Variants in E2F7 observed in about 807,000 individuals in gnomAD.
E2F7 encodes the protein E2F transcription factor 7, also known as transcription factor E2F7.
A neutral mutation model predicts 81.1 loss-of-function variants in E2F7; 35 were observed. The ratio of observed to expected loss-of-function variants is 0.43; its 90% CI spans 0.33 to 0.57. The LOEUF (loss-of-function observed/expected upper bound fraction) is 0.57, where lower values mean the gene tolerates loss of function less well. E2F7 is among the 20% of genes least tolerant of loss of function. The pLI, the probability that E2F7 is intolerant of heterozygous loss-of-function variation, is 0.04. For missense variants in E2F7, 961 were observed against 1,093.7 expected, an observed-to-expected ratio of 0.88 and a Z score of 1.71; for synonymous variants, 416 against 416.2, an observed-to-expected ratio of 1.00 and a Z score of 0.01.
At position 77,034,863 on chromosome 12, in the gene E2F7, A is replaced by G. The variant is rs1954835516; in HGVS notation, c.1124-821T>C. On this transcript the variant is annotated intron_variant, in intron 7 of 12. Transcript: ENST00000322886. ...ATGCGCTTTCACATTAATGCAACTT[A>G]AAAATGAAAAACAACAACAAAAAGT... Among the ~76,000 whole-genome samples the G allele has an allele frequency of 2.0e-5, 3 of 152,254 alleles. No individual in the cohort carries two copies. The South Asian group carries it at 6.2e-4, about 31-fold the overall frequency.
At chr12:77,047,116 C>T (rs898906753) in intron 4 of E2F7, among the ~76,000 whole-genome samples, 4 of 152,192 alleles carry the variant, frequency 2.6e-5, no homozygotes, top group Non-Finnish European at 5.9e-5. Flanking sequence ...TCACTACTCA[C>T]TTTCCCAACA....
Position 77,046,222 on chromosome 12 carries a change from C to T in E2F7, c.645G>A (p.Leu215=). 1 of 1,614,186 alleles carries T rather than the reference C, an allele frequency of 6.2e-7. No homozygotes were observed. Among genetic ancestry groups the T allele is most frequent in the Non-Finnish European group, 8.5e-7 (1 of 1,180,034 alleles). The change falls in exon 5 of 13, where the codon CTG becomes CTA. Residue 215 remains leucine (L), a synonymous_variant. Coordinates refer to ENST00000322886, the MANE Select transcript of E2F7 (RefSeq NM_203394.3). ...NQYGWHGRHS[L]PKTLRNLQRL... Reference sequence around the variant, plus strand: ...TCTGGAGGTTCCTCAGGGTTTTTGGCAGGCTGTGCCGTCCATGCCAGCCAT... The same window carrying T: ...TCTGGAGGTTCCTCAGGGTTTTTGGTAGGCTGTGCCGTCCATGCCAGCCAT...
intron 7 of E2F7, among the ~76,000 whole-genome samples, chr12:77,039,432 T>C (rs1954878482): frequency 6.6e-6 from 1 of 152,308 alleles, no homozygotes; most frequent in South Asian, 2.1e-4. Context: ...AAAAGACTTG[T>C]ATGCAGAATG....
rs755396047 is a variant in E2F7 at position 77,044,747 on chromosome 12, T to G, written c.878A>C (p.Lys293Thr). Residue 293 changes from lysine (K) to threonine (T), a missense_variant, in exon 6 of 13, where the codon AAG becomes ACG. By Grantham distance (78) the Lys-to-Thr change is moderately conservative. Around this residue, in one of 3 missense-constraint regions of E2F7, gnomAD observed 301 missense variants for 405.0 expected, o/e 0.74. Transcript: ENST00000322886. ...KDKSLRIMSQ[K>T]FVMLFLVSKT... ...GGAGACGAGGAACAGCATGACAAAC[T>G]TCTGGCTCATAATTCTCAGAGACTT... The G allele has an allele frequency of 3.8e-5, 61 of 1,614,050 alleles. No homozygotes were observed. The highest frequency in any genetic ancestry group is 5.1e-5 in the Non-Finnish European group (60 of 1,180,022).
At chr12:77,060,079 T>C (rs1955066626) in intron 2 of E2F7, among the ~76,000 whole-genome samples, 1 of 152,062 alleles carries the variant, frequency 6.6e-6, no homozygotes, top group Non-Finnish European at 1.5e-5. Flanking sequence ...AGCTCCACTT[T>C]TCCTTCTGTC....
At position 77,028,078 on chromosome 12, in the gene E2F7, G is replaced by A. The variant is rs369501834; in HGVS notation, c.1945C>T (p.Pro649Ser). ...PKTMGNRASI[P>S]LKDIHVNGQL... ...CCATTCACATGAATGTCTTTGAGGG[G>A]TATAGATGCCCTGTTACCCATAGTC... Residue 649 changes from proline (P) to serine (S), a missense_variant, in exon 11 of 13, where the codon CCC becomes TCC. This residue lies in a region of E2F7 where 587 missense variants were observed against 620.3 expected (regional missense o/e 0.95). Transcript: ENST00000322886. 1.4e-5 allele frequency: 22 copies of A among 1,614,082 alleles called. No homozygotes were observed. Among genetic ancestry groups the A allele is most frequent in the Non-Finnish European group, 1.7e-5 (20 of 1,180,040 alleles).
chr12:77,058,941 C>T (rs1422204100), intron 2 of E2F7, among the ~76,000 whole-genome samples: 2 of 152,148 alleles, frequency 1.3e-5, no homozygotes, highest in Non-Finnish European at 2.9e-5. Flanking sequence ...CAATTTTTGG[C>T]ACAATGCGTT....
rs748155041 is a variant in E2F7 at position 77,023,998 on chromosome 12, C to T, written c.*17G>A. 6 of 1,611,574 alleles carry T rather than the reference C, an allele frequency of 3.7e-6. No homozygotes were observed. The highest frequency in any genetic ancestry group is 4.5e-5 in the East Asian group (2 of 44,840). ...CTCAGGGCGTTTGATCCCACCCCCACCTGGCAAAGCGGCAGGTTAGTCAGC... is the reference window on the plus strand; with the variant it reads ...CTCAGGGCGTTTGATCCCACCCCCATCTGGCAAAGCGGCAGGTTAGTCAGC... On this transcript the variant is annotated 3_prime_UTR_variant, in exon 13 of 13. Coordinates refer to ENST00000322886, the MANE Select transcript of E2F7 (RefSeq NM_203394.3).
At position 77,030,081 on chromosome 12, in the gene E2F7, G is replaced by A; in HGVS notation, c.1634C>T (p.Pro545Leu). 1 of 1,614,212 alleles carries A rather than the reference G, an allele frequency of 6.2e-7. No homozygotes were observed. The highest frequency in any genetic ancestry group is 1.1e-5 in the South Asian group (1 of 91,086). ...TGAGGCAGAGGGCACATACACTAGA[G>A]GCTGGCCAGCAAGGAGTGCTGGCTT... ...SLKPALLAGQPLVYVPSASLF... is the reference protein window; with the variant it reads ...SLKPALLAGQLLVYVPSASLF... The change falls in exon 10 of 13, where the codon CCT (proline) becomes CTT (leucine). Residue 545 changes from proline to leucine, a missense_variant. Coordinates refer to ENST00000322886, the MANE Select transcript of E2F7 (RefSeq NM_203394.3).
At position 77,029,994 on chromosome 12, in the gene E2F7, T is replaced by A. The variant is rs2120631756; in HGVS notation, c.1721A>T (p.Asp574Val). The change falls in exon 10 of 13, where the codon GAT becomes GTT. Residue 574 changes from aspartate (D) to valine (V), a missense_variant. Asp to Val is a radical substitution (Grantham distance 152). Coordinates refer to ENST00000322886, the MANE Select transcript of E2F7 (RefSeq NM_203394.3). ...GPASGSGSER[D>V]DRSSEAPATV... ...GGCTGGGGCTTCTGAGCTTCTGTCA[T>A]CCCTCTCTGACCCTGACCCTGACGC... 6.2e-7 allele frequency: 1 copy of A among 1,614,176 alleles called. No individual in the cohort carries two copies. The highest frequency in any genetic ancestry group is 8.5e-7 in the Non-Finnish European group (1 of 1,180,044).
intron 3 of E2F7, among the ~76,000 whole-genome samples, chr12:77,055,127 G>A (rs892269471): frequency 1.4e-4 from 21 of 152,238 alleles, no homozygotes; most frequent in African/African-American, 4.3e-4. Flanking sequence ...TACTACTACC[G>A]CTACTCTACC....
intron 7 of E2F7, among the ~76,000 whole-genome samples, chr12:77,038,013 A>C (rs1954866533): frequency 6.6e-6 from 1 of 152,298 alleles, no homozygotes; most frequent in Admixed American, 6.5e-5. Flanking sequence ...CTATGAGACA[A>C]AGTAGATTTC....
rs771114476 is a variant in E2F7 at position 77,056,046 on chromosome 12, A to AT, written c.177dup (p.Phe60IlefsTer12). Reference sequence around the variant, plus strand: ...GTAATGGGATTTCTTTCTGGAGTAAATTTTTTTTGCTTCGATAAATCAATT... The same window carrying AT: ...GTAATGGGATTTCTTTCTGGAGTAAATTTTTTTTTGCTTCGATAAATCAATT... On this transcript the variant is annotated frameshift_variant, in exon 3 of 13. Coordinates refer to ENST00000322886, the MANE Select transcript of E2F7 (RefSeq NM_203394.3). LOFTEE classifies it high-confidence loss of function. 14 of 1,613,274 alleles carry AT rather than the reference A, an allele frequency of 8.7e-6. No homozygotes were observed. The highest frequency in any genetic ancestry group is 1.3e-5 in the African/African-American group (1 of 74,906).
At chr12:77,036,777 T>C (rs1346704318) in intron 7 of E2F7, among the ~76,000 whole-genome samples, 1 of 151,160 alleles carries the variant, frequency 6.6e-6, no homozygotes, top group Non-Finnish European at 1.5e-5. Flanking sequence ...AGTCTCGCTC[T>C]GTCGCCCAGG....
intron 5 of E2F7, chr12:77,045,766 C>T: frequency 4.8e-6 from 2 of 413,820 alleles, no homozygotes. Flanking sequence ...CAGCATGGGG[C>T]TGCCAATCTA....
chr12:77,032,911 C>A, intron 9 of E2F7, 139 bp downstream of exon 9: 1 of 683,746 alleles, frequency 1.5e-6, no homozygotes, highest in Admixed American at 2.9e-5. Flanking sequence ...GTGTAGGGCA[C>A]AAAGAGAAAA....
chr12:77,047,846 G>C (rs564022756), intron 4 of E2F7, among the ~76,000 whole-genome samples: 328 of 152,292 alleles, frequency 2.2e-3, no homozygotes, highest in African/African-American at 7.5e-3. Flanking sequence ...AGAACTGCCT[G>C]CTTCTTTATT....
intron 10 of E2F7, among the ~76,000 whole-genome samples, chr12:77,028,709 G>A (rs1442275664): frequency 6.6e-6 from 1 of 152,082 alleles, no homozygotes; most frequent in Admixed American, 6.6e-5. Flanking sequence ...TTCCTGACCC[G>A]GTGATCCGCC....
At chr12:77,036,898 C>T (rs1028727245) in intron 7 of E2F7, among the ~76,000 whole-genome samples, 4 of 152,232 alleles carry the variant, frequency 2.6e-5, no homozygotes, top group East Asian at 1.9e-4. Flanking sequence ...CCCGCCACCA[C>T]GCCTGGCTAA....
Sources: gnomAD v4.1 joint callset for allele counts (sites outside exome capture counted in the v4.1 genomes callset) on GRCh38, gnomAD v4.1.1 for gene constraint, gnomAD v4.1.1 regional missense constraint, MANE v1.5 for transcripts, NCBI Gene and HGNC (gene_info 2026-07-23, HGNC 2026-07-21) for gene names.